Variants in DNAJC1 observed in about 807,000 individuals in gnomAD.
DNAJC1 encodes DnaJ heat shock protein family (Hsp40) member C1.
A neutral mutation model predicts 76.6 loss-of-function variants in DNAJC1; 58 were observed. The ratio of observed to expected loss-of-function variants is 0.76; its 90% confidence interval spans 0.61 to 0.94. The LOEUF (loss-of-function observed/expected upper bound fraction) is 0.94. DNAJC1 is among the 40% of genes least tolerant of loss of function. The pLI is 0.00. For synonymous variants in DNAJC1, 258 were observed against 267.9 expected (o/e 0.96, Z 0.36); for missense variants, 689 against 677.3 (o/e 1.02, Z -0.19).
chr10:21,760,357 C>G (rs117571862), intron 10 of DNAJC1, among the ~76,000 whole-genome samples: 1 of 152,286 alleles, frequency 6.6e-6, no homozygotes, highest in Non-Finnish European at 1.5e-5. Context: ...GCACTGATAT[C>G]CTCAATACAG....
At chr10:21,974,828 GAAGT>G (rs1838036557) in intron 1 of DNAJC1, among the ~76,000 whole-genome samples, 1 of 151,980 alleles carries the variant, frequency 6.6e-6, no homozygotes, top group Non-Finnish European at 1.5e-5. Context: ...GTAATATTAT[GAAGT>G]AATTAATGGT....
At chr10:21,967,612 G>A (rs1256070679) in intron 1 of DNAJC1, among the ~76,000 whole-genome samples, 3 of 152,134 alleles carry the variant, frequency 2.0e-5, no homozygotes, top group Non-Finnish European at 2.9e-5. Flanking sequence ...TAGGATATAG[G>A]CTAAGACCCT....
chr10:21,888,342 C>A (rs972531918), intron 7 of DNAJC1, among the ~76,000 whole-genome samples: 1 of 152,110 alleles, frequency 6.6e-6, no homozygotes, highest in African/African-American at 2.4e-5. Context: ...CCTCAAAGAG[C>A]TAAAAGCAGA....
At chr10:21,939,488 G>A (rs61851902) in intron 1 of DNAJC1, among the ~76,000 whole-genome samples, 2,707 of 152,244 alleles carry the variant, frequency 0.018, 40 homozygotes, top group Non-Finnish European at 0.027. Flanking sequence ...TAATGGAGCT[G>A]ACCTATATAG....
intron 1 of DNAJC1, among the ~76,000 whole-genome samples, chr10:21,960,017 A>G (rs989906162): frequency 2.0e-5 from 3 of 152,108 alleles, no homozygotes; most frequent in African/African-American, 4.8e-5. Context: ...CATTACCACA[A>G]TGGGCCAAGC....
intron 7 of DNAJC1, among the ~76,000 whole-genome samples, chr10:21,903,210 C>T (rs555133340): frequency 2.6e-5 from 4 of 152,170 alleles, no homozygotes; most frequent in African/African-American, 4.8e-5. Flanking sequence ...TAAGCCACTG[C>T]GCCTGGCCGA....
intron 9 of DNAJC1, among the ~76,000 whole-genome samples, chr10:21,780,667 C>T (rs1294177489): frequency 6.6e-6 from 1 of 152,324 alleles, no homozygotes; most frequent in South Asian, 2.1e-4. Context: ...ACCATTGATG[C>T]TAGGAAGAAA....
At chr10:21,851,660 T>C (rs1835756957) in intron 8 of DNAJC1, among the ~76,000 whole-genome samples, 1 of 152,206 alleles carries the variant, frequency 6.6e-6, no homozygotes, top group South Asian at 2.1e-4. Flanking sequence ...ATTGAAAACA[T>C]AAACTCAAAT....
At chr10:21,837,421 G>A (rs1188884533) in intron 8 of DNAJC1, among the ~76,000 whole-genome samples, 1 of 152,012 alleles carries the variant, frequency 6.6e-6, no homozygotes, top group East Asian at 1.9e-4. Flanking sequence ...AGTCTGGGAA[G>A]TGAAGAGCGC....
chr10:21,946,099 G>A (rs1272335041), intron 1 of DNAJC1, among the ~76,000 whole-genome samples: 1 of 119,266 alleles, frequency 8.4e-6, no homozygotes, highest in African/African-American at 3.4e-5. Context: ...GGAGTGCAGT[G>A]GCGCGATCTC....
At chr10:21,771,503 A>AC (rs1221028969) in intron 9 of DNAJC1, among the ~76,000 whole-genome samples, 1 of 148,096 alleles carries the variant, frequency 6.8e-6, no homozygotes. Flanking sequence ...TTTGTCAAAC[A>AC]CTTTTTTTTT....
chr10:21,804,084 T>C (rs566895477), intron 9 of DNAJC1: 1 of 405,096 alleles, frequency 2.5e-6, no homozygotes, highest in South Asian at 1.0e-4. Flanking sequence ...AAGTATATAC[T>C]AGGATCTATG....
chr10:21,946,481 T>A (rs1465056444), intron 1 of DNAJC1, among the ~76,000 whole-genome samples: 1 of 152,138 alleles, frequency 6.6e-6, no homozygotes, highest in Non-Finnish European at 1.5e-5. Context: ...TGTATCTTTA[T>A]AAATATTTTA....
intron 1 of DNAJC1, among the ~76,000 whole-genome samples, chr10:21,941,730 G>A (rs1185415556): frequency 6.6e-6 from 1 of 151,922 alleles, no homozygotes; most frequent in Non-Finnish European, 1.5e-5. Context: ...GTGTCTGTAG[G>A]TATTCTTAAA....
At chr10:21,944,547 C>T (rs188267718) in intron 1 of DNAJC1, among the ~76,000 whole-genome samples, 12 of 152,166 alleles carry the variant, frequency 7.9e-5, no homozygotes, top group Non-Finnish European at 1.6e-4. Context: ...CAGTGACTTC[C>T]TAATTGTATC....
chr10:21,787,372 G>A (rs980780396), intron 9 of DNAJC1, among the ~76,000 whole-genome samples: 4 of 150,402 alleles, frequency 2.7e-5, no homozygotes, highest in African/African-American at 9.8e-5. Flanking sequence ...GGGAAGGAGA[G>A]GAAGAGAAAA....
At chr10:21,806,979 T>C (rs1206129985) in intron 8 of DNAJC1, among the ~76,000 whole-genome samples, 3 of 152,148 alleles carry the variant, frequency 2.0e-5, no homozygotes, top group Admixed American at 2.0e-4. Flanking sequence ...AAATAAATTA[T>C]TATCAAACAA....
intron 8 of DNAJC1, among the ~76,000 whole-genome samples, chr10:21,867,682 G>A (rs1836025569): frequency 6.6e-6 from 1 of 152,100 alleles, no homozygotes; most frequent in East Asian, 1.9e-4. Flanking sequence ...TTTGACCTAG[G>A]TTTCACCTAG....
intron 8 of DNAJC1, among the ~76,000 whole-genome samples, chr10:21,815,986 C>G (rs377733980): frequency 1.3e-5 from 2 of 151,536 alleles, no homozygotes; most frequent in East Asian, 4.0e-4. Context: ...TCAAGTGATC[C>G]GCCTGTATCG....
Sources: allele counts gnomAD v4.1 joint callset (sites outside exome capture counted in the v4.1 genomes callset), GRCh38; gene constraint gnomAD v4.1.1; transcripts MANE v1.5; gene names NCBI Gene and HGNC (gene_info 2026-07-23, HGNC 2026-07-21).